Variants in ATG4B observed in about 807,000 individuals in gnomAD.
ATG4B encodes autophagy related 4B cysteine peptidase, also known as cysteine protease ATG4B.
Under a neutral mutation model 56.6 loss-of-function variants are expected in ATG4B, and 29 were observed. The observed-to-expected ratio is 0.51, with a 90% confidence interval of 0.38 to 0.70. ATG4B has a LOEUF of 0.70. Among genes scored for constraint, ATG4B ranks in the 30% least tolerant of loss-of-function variants. The probability of loss-of-function intolerance (pLI) is 0.00; values close to 1 mark genes in which losing one functional copy is unlikely to be tolerated. For missense variants in ATG4B, 461 were observed against 515.5 expected, an observed-to-expected ratio of 0.89 and a Z score of 1.02; for synonymous variants, 224 against 206.1, an observed-to-expected ratio of 1.09 and a Z score of -0.74.
chr2:241,638,631 T>C (rs911664552), intron 1 of ATG4B, among the ~76,000 whole-genome samples: 2 of 152,264 alleles, frequency 1.3e-5, no homozygotes, highest in Admixed American at 6.5e-5. Flanking sequence ...GTTTTTACTT[T>C]TTATTTTTCT....
At chr2:241,644,947 CAAA>C (rs35177697) in intron 1 of ATG4B, among the ~76,000 whole-genome samples, 2 of 137,396 alleles carry the variant, frequency 1.5e-5, no homozygotes, top group African/African-American at 5.3e-5. Context: ...AACTCCATCT[CAAA>C]AAAAAAAAAA....
intron 3 of ATG4B, chr2:241,653,298 C>T: frequency 6.5e-7 from 1 of 1,539,618 alleles, no homozygotes; most frequent in Non-Finnish European, 8.8e-7. Context: ...GTGTTTTGCC[C>T]ATTTTGAGGA....
intron 1 of ATG4B, among the ~76,000 whole-genome samples, chr2:241,646,837 C>A (rs146209240): frequency 5.6e-4 from 82 of 146,874 alleles, no homozygotes; most frequent in African/African-American, 1.9e-3. Flanking sequence ...GGCTGGAATG[C>A]AGTGGCGCGA....
At position 241,672,656 on chromosome 2, in the gene ATG4B, C is replaced by A; in HGVS notation, c.*392C>A. On this transcript the variant is annotated 3_prime_UTR_variant, in exon 13 of 13. Coordinates refer to ENST00000404914, the MANE Select transcript of ATG4B (RefSeq NM_013325.5). Reference sequence around the variant, plus strand: ...ACACAGACATGAATTTCTGGGCGCTCCCTGAGTCAGAGTCTCAGAAGACCT... The same window carrying A: ...ACACAGACATGAATTTCTGGGCGCTACCTGAGTCAGAGTCTCAGAAGACCT... The A allele has an allele frequency of 4.0e-6, 1 of 247,124 alleles. No homozygotes were observed. The highest frequency in any genetic ancestry group is 8.1e-6 in the Non-Finnish European group (1 of 124,146). 15.3% of individuals were successfully genotyped at this position (247,124 alleles called of 1,614,324 possible). A position where few individuals can be genotyped will look rare whatever the true frequency, so the allele number is the denominator to read the frequency against.
At chr2:241,664,551 A>G (rs2068700915) in intron 7 of ATG4B, among the ~76,000 whole-genome samples, 1 of 152,014 alleles carries the variant, frequency 6.6e-6, no homozygotes. Flanking sequence ...AACCAAACAG[A>G]AACCCAAACA....
intron 3 of ATG4B, among the ~76,000 whole-genome samples, chr2:241,652,511 A>T (rs546012972): frequency 6.6e-6 from 1 of 152,138 alleles, no homozygotes; most frequent in African/African-American, 2.4e-5. Flanking sequence ...CCCCACGGAG[A>T]TAATTTTTTA....
chr2:241,656,213 A>G (rs933596319), intron 6 of ATG4B, among the ~76,000 whole-genome samples: 10 of 152,006 alleles, frequency 6.6e-5, no homozygotes, highest in African/African-American at 2.4e-4. Context: ...CCTGCTCCTC[A>G]GCATGGCAGT....
chr2:241,645,028 T>G (rs368752578), intron 1 of ATG4B, among the ~76,000 whole-genome samples: 199 of 152,130 alleles, frequency 1.3e-3, no homozygotes, highest in African/African-American at 4.6e-3. Flanking sequence ...ATCTGGAAGG[T>G]CAGGGAGGTC....
rs1293686604 is a variant in ATG4B, at chr2:241,668,095, C to G, written c.733-48C>G. On this transcript the variant is annotated intron_variant, in intron 8 of 12. Coordinates refer to ENST00000404914, the MANE Select transcript of ATG4B (RefSeq NM_013325.5). The surrounding 1 kb of genome is among the most constrained non-coding windows in gnomAD (Gnocchi z 4.2). ...CCCCTATGGCAGTGGGTGGGGGGACCGTCTGCTCCCACCTGGGACCTGTGC... is the reference window on the plus strand; with the variant it reads ...CCCCTATGGCAGTGGGTGGGGGGACGGTCTGCTCCCACCTGGGACCTGTGC... 3.2e-6 allele frequency: 5 copies of G among 1,541,408 alleles called. No homozygotes were observed. The South Asian group carries it at 4.8e-5, about 15-fold the overall frequency.
At position 241,653,628 on chromosome 2, in the gene ATG4B, G is replaced by T; in HGVS notation, c.283+18G>T. The T allele has an allele frequency of 6.4e-7, 1 of 1,556,182 alleles. No individual in the cohort carries two copies. The highest frequency in any genetic ancestry group is 8.7e-7 in the Non-Finnish European group (1 of 1,149,454). On this transcript the variant is annotated intron_variant, in intron 4 of 12. Coordinates refer to ENST00000404914, the MANE Select transcript of ATG4B (RefSeq NM_013325.5). ...AGGCCGAGGTGAGTCACAGCCCTGG[G>T]GAGGGCGCATGGCCACGGTGTTCTC...
At chr2:241,638,935 G>C (rs565634776) in intron 1 of ATG4B, among the ~76,000 whole-genome samples, 73 of 152,340 alleles carry the variant, frequency 4.8e-4, no homozygotes, top group African/African-American at 1.8e-3. Context: ...TGTGATGCAG[G>C]ATTTTTCTCA....
chr2:241,663,810 T>A (rs1057271370), intron 7 of ATG4B, among the ~76,000 whole-genome samples: 2 of 139,730 alleles, frequency 1.4e-5, no homozygotes, highest in Admixed American at 1.4e-4. Context: ...GCCAGACGTC[T>A]ATTTTTTTTT....
At position 241,670,719 on chromosome 2, in the gene ATG4B, G is replaced by A. The variant is rs763660872; in HGVS notation, c.958-7G>A. 14 of 1,608,504 alleles carry A rather than the reference G, an allele frequency of 8.7e-6. No individual in the cohort carries two copies. Among genetic ancestry groups the A allele is most frequent in the Non-Finnish European group, 1.2e-5 (14 of 1,177,320 alleles). The stretch of plus-strand genomic sequence containing the variant: ...GTCGTGTTCTGCTCATCGTCATTTC[G>A]TTTTAGGGGTTTTTCTGTAAGACTG... On this transcript the variant is annotated splice_region_variant and splice_polypyrimidine_tract_variant and intron_variant, in intron 10 of 12. Transcript: ENST00000404914.
chr2:241,659,154 G>A lies in ATG4B; in HGVS notation c.505G>A (p.Ala169Thr). Residue 169 changes from alanine (A) to threonine (T), a missense_variant, in exon 7 of 13, where the codon GCA becomes ACA. Ala to Thr is a moderately conservative substitution (Grantham distance 58, BLOSUM62 0). Coordinates refer to ENST00000404914, the MANE Select transcript of ATG4B (RefSeq NM_013325.5). ...GTGGAGCTCCTTGGCGGTCCACATT[G>A]CAATGGACAACACTGTTGTGATGGA... Reference protein sequence around the residue: ...DTWSSLAVHIAMDNTVVMEEI... With the variant: ...DTWSSLAVHITMDNTVVMEEI... The A allele has an allele frequency of 6.2e-7, 1 of 1,613,754 alleles. No individual in the cohort carries two copies. Among genetic ancestry groups the A allele is most frequent in the East Asian group, 2.2e-5 (1 of 44,884 alleles).
At chr2:241,659,241 C>T in intron 7 of ATG4B, 54 bp downstream of exon 7, 1 of 1,503,272 alleles carries the variant, frequency 6.7e-7, no homozygotes, top group African/African-American at 1.4e-5. Flanking sequence ...GGGCAACATA[C>T]ACACTTCCTC....
In ATG4B at chr2:241,672,352, G is replaced by C; in HGVS notation, c.*88G>C. ...TCCATCCCGCCCGCTCGCCTGCCGA[G>C]GGCTGCGCCCCGTGCTGCCTCCCCC... On this transcript the variant is annotated 3_prime_UTR_variant, in exon 13 of 13. Coordinates refer to ENST00000404914, the MANE Select transcript of ATG4B (RefSeq NM_013325.5). 7.9e-7 allele frequency: 1 copy of C among 1,267,246 alleles called. No homozygotes were observed. Among genetic ancestry groups the C allele is most frequent in the East Asian group, 2.5e-5 (1 of 39,550 alleles). The allele number at this position is 1,267,246 out of a possible 1,614,324, so 78.5% of individuals were successfully genotyped here.
chr2:241,663,290 AT>A (rs1223946748), intron 7 of ATG4B, among the ~76,000 whole-genome samples: 24 of 152,198 alleles, frequency 1.6e-4, no homozygotes, highest in Non-Finnish European at 2.5e-4. Flanking sequence ...TAATTAACAG[AT>A]TAGCTATGGA....
chr2:241,672,718 C>T lies in ATG4B; in HGVS notation c.*454C>T, dbSNP rs895895346. The T allele has an allele frequency of 3.1e-5, 6 of 191,094 alleles. No individual in the cohort carries two copies. Among genetic ancestry groups the T allele is most frequent in the South Asian group, 2.0e-4 (2 of 9,942 alleles). The allele number at this position is 191,094 out of a possible 1,614,324, so 11.8% of individuals were successfully genotyped here. A position where few individuals can be genotyped will look rare whatever the true frequency, so the allele number is the denominator to read the frequency against. ...CGTGAGAGGAGCGGCAGCCACACTGCGGCCCCACGCCCAAGGACTGGGCTG... is the reference window on the plus strand; with the variant it reads ...CGTGAGAGGAGCGGCAGCCACACTGTGGCCCCACGCCCAAGGACTGGGCTG... On this transcript the variant is annotated 3_prime_UTR_variant, in exon 13 of 13. Coordinates refer to ENST00000404914, the MANE Select transcript of ATG4B (RefSeq NM_013325.5).
chr2:241,654,860 C>T (rs75468430), intron 5 of ATG4B: 79,560 of 588,768 alleles, frequency 0.14, 7,170 homozygotes, highest in East Asian at 0.33. Context: ...AGACCCTGGG[C>T]CTTGCCCTTC....
Sources: gnomAD v4.1 joint callset for allele counts (sites outside exome capture counted in the v4.1 genomes callset) on GRCh38, gnomAD v4.1.1 for gene constraint, Gnocchi (gnomAD v3.1) non-coding constraint, MANE v1.5 for transcripts, NCBI Gene and HGNC (gene_info 2026-07-23, HGNC 2026-07-21) for gene names.